RTN4: variants seen among roughly 807,000 people sequenced by gnomAD.
RTN4 encodes the protein reticulon 4, also known as reticulon-4.
A neutral mutation model predicts 90.4 loss-of-function variants in RTN4; 32 were observed. That is an observed-to-expected ratio of 0.35 (90% confidence interval 0.27 to 0.48). The LOEUF is 0.48. Among genes scored for constraint, RTN4 ranks in the 20% least tolerant of loss-of-function variants. The pLI is 0.99. For missense variants in RTN4, 1,706 were observed against 1,430.2 expected (o/e 1.19, Z -3.11); for synonymous variants, 629 against 552.5 (o/e 1.14, Z -1.94).
intron 1 of RTN4, among the ~76,000 whole-genome samples, chr2:55,032,639 C>T (rs1682399389): frequency 1.3e-5 from 2 of 151,974 alleles, no homozygotes; most frequent in African/African-American, 4.8e-5. Flanking sequence ...AACTGAAACA[C>T]AACAAGGGAA....
the RTN4 span, among the ~76,000 whole-genome samples, chr2:55,131,598 C>T: frequency 6.6e-6 from 1 of 152,132 alleles, no homozygotes; most frequent in East Asian, 1.9e-4. Context: ...AAACTGAAAA[C>T]ATTGGCAGGG....
chr2:55,002,341 G>C (rs2104752453), intron 3 of RTN4, among the ~76,000 whole-genome samples: 1 of 152,314 alleles, frequency 6.6e-6, no homozygotes, highest in Non-Finnish European at 1.5e-5. Context: ...TTACAGGCGT[G>C]AGCTACAAGG....
intron 1 of RTN4, among the ~76,000 whole-genome samples, chr2:55,038,348 G>A (rs1369764516): frequency 2.6e-5 from 4 of 152,094 alleles, no homozygotes; most frequent in Admixed American, 2.0e-4. Flanking sequence ...CTACAGACTA[G>A]GAGAATATAT....
chr2:55,109,254 G>C (rs1667995051), intron 1 of RTN4, among the ~76,000 whole-genome samples: 1 of 152,134 alleles, frequency 6.6e-6, no homozygotes, highest in Non-Finnish European at 1.5e-5. Context: ...AACCCAGCAA[G>C]TGGATGCCTG....
chr2:55,136,397 A>G, the RTN4 span, among the ~76,000 whole-genome samples: 1 of 152,232 alleles, frequency 6.6e-6, no homozygotes, highest in Non-Finnish European at 1.5e-5. Flanking sequence ...TCCCAGAACC[A>G]TGCCAATTAT....
chr2:55,057,816 T>G (rs1021606123), intron 2 of RTN4, among the ~76,000 whole-genome samples: 1 of 151,970 alleles, frequency 6.6e-6, no homozygotes, highest in Non-Finnish European at 1.5e-5. Flanking sequence ...AAAACCTATC[T>G]CTACAAAAAA....
chr2:55,064,046 C>A (rs950357879), intron 2 of RTN4, among the ~76,000 whole-genome samples: 1 of 151,626 alleles, frequency 6.6e-6, no homozygotes, highest in African/African-American at 2.4e-5. Context: ...CAAAGTGAGA[C>A]CCTCTCTCCT....
intron 1 of RTN4, among the ~76,000 whole-genome samples, chr2:55,099,955 A>T (rs2968811): frequency 0.43 from 65,052 of 151,872 alleles, 14,345 homozygotes; most frequent in East Asian, 0.68. Flanking sequence ...CTGTGGGTCA[A>T]CTGATATGCA....
At chr2:54,996,216 A>G (rs1479336057) in intron 3 of RTN4, among the ~76,000 whole-genome samples, 1 of 152,242 alleles carries the variant, frequency 6.6e-6, no homozygotes, top group Non-Finnish European at 1.5e-5. Flanking sequence ...GACTTAAATA[A>G]TTGGAAAGAC....
upstream of RTN4, among the ~76,000 whole-genome samples, chr2:55,055,543 G>A (rs536683150): frequency 9.9e-5 from 15 of 152,186 alleles, no homozygotes; most frequent in South Asian, 1.9e-3. Context: ...CAAGGCAGGC[G>A]GATCACGAGG....
chr2:55,136,929 G>C, the RTN4 span, among the ~76,000 whole-genome samples: 1 of 152,258 alleles, frequency 6.6e-6, no homozygotes, highest in African/African-American at 2.4e-5. Context: ...ACGGCCTGGG[G>C]AGACCCATTT....
chr2:54,987,742 C>T, intron 3 of RTN4, 44 bp from the exon 4 acceptor site: 1 of 1,499,164 alleles, frequency 6.7e-7, no homozygotes, highest in Non-Finnish European at 9.1e-7. Flanking sequence ...GTTATTTTAT[C>T]AATTTGGATT....
chr2:54,976,059 C>G (rs901679835), intron 5 of RTN4, among the ~76,000 whole-genome samples: 1 of 152,172 alleles, frequency 6.6e-6, no homozygotes, highest in African/African-American at 2.4e-5. Flanking sequence ...TGCACTTGAG[C>G]AAGTTTACTA....
chr2:55,106,289 C>T (rs920121297), intron 1 of RTN4, among the ~76,000 whole-genome samples: 1 of 151,906 alleles, frequency 6.6e-6, no homozygotes, highest in Non-Finnish European at 1.5e-5. Flanking sequence ...ATTTCTTGCC[C>T]TCCTCCTCTT....
intron 1 of RTN4, among the ~76,000 whole-genome samples, chr2:55,081,638 A>G (rs932902567): frequency 6.6e-6 from 1 of 152,074 alleles, no homozygotes; most frequent in Non-Finnish European, 1.5e-5. Flanking sequence ...CAAGGCAGGA[A>G]GATTGCTTGA....
At chr2:55,014,538 AG>A in intron 3 of RTN4, 1 of 142,346 alleles carries the variant, frequency 7.0e-6, no homozygotes, top group African/African-American at 2.6e-5. Context: ...TTTTTTTTGG[AG>A]ACAGAGTCTC....
At chr2:55,057,523 A>C (rs2104998420) in intron 2 of RTN4, among the ~76,000 whole-genome samples, 1 of 152,316 alleles carries the variant, frequency 6.6e-6, no homozygotes, top group East Asian at 1.9e-4. Flanking sequence ...ATTAGAGCAG[A>C]ATAAGGTCAC....
At chr2:55,078,378 A>G (rs559971846) in intron 2 of RTN4, among the ~76,000 whole-genome samples, 127 of 152,278 alleles carry the variant, frequency 8.3e-4, no homozygotes, top group African/African-American at 2.8e-3. Flanking sequence ...AGCTAGTTCT[A>G]CAGACATGTG....
chr2:55,084,101 C>A lies in RTN4; in HGVS notation c.-213-3462G>T, dbSNP rs72795468. ...ACCTCCAGGAAGGAAAGAGGGACTG[C>A]ATTTGAGTTAATTGTTGATCATGTC... On this transcript the variant is annotated intron_variant, in intron 1 of 3. Coordinates refer to the RTN4 transcript ENST00000427710. Among the ~76,000 whole-genome samples, 857 of 152,226 alleles carry A rather than the reference C, an allele frequency of 5.6e-3. 3 individuals carry two copies. Among genetic ancestry groups the A allele is most frequent in the Non-Finnish European group, 8.0e-3 (541 of 68,000 alleles).
Sources: allele counts gnomAD v4.1 joint callset (sites outside exome capture counted in the v4.1 genomes callset), GRCh38; gene constraint gnomAD v4.1.1; transcripts MANE v1.5; gene names NCBI Gene and HGNC (gene_info 2026-07-23, HGNC 2026-07-21).